ILRUN: variants seen among roughly 807,000 people sequenced by gnomAD.
ILRUN encodes the protein protein ILRUN.
A neutral mutation model predicts 33.8 loss-of-function variants in ILRUN; 3 were observed. That is an observed-to-expected ratio of 0.09 (90% CI 0.04 to 0.23). ILRUN has a LOEUF of 0.23. Among genes scored for constraint, ILRUN ranks in the 10% least tolerant of loss-of-function variants. ILRUN has a pLI of 1.00. For synonymous variants in ILRUN, 124 were observed against 138.9 expected (o/e 0.89, Z 0.75); for missense variants, 210 against 375.1 (o/e 0.56, Z 3.64).
chr6:34,689,003 G>C (rs538587155), intron 1 of ILRUN, among the ~76,000 whole-genome samples: 7 of 151,472 alleles, frequency 4.6e-5, no homozygotes, highest in Non-Finnish European at 8.8e-5. Context: ...CATACATAGA[G>C]ACAGAACTCA....
intron 3 of ILRUN, among the ~76,000 whole-genome samples, chr6:34,645,621 T>C (rs1159983047): frequency 4.6e-5 from 7 of 152,108 alleles, no homozygotes; most frequent in Admixed American, 3.9e-4. Flanking sequence ...ATTCTCCCAC[T>C]TCAGCCTCCC....
At chr6:34,650,600 T>G (rs1404244119) in intron 2 of ILRUN, among the ~76,000 whole-genome samples, 1 of 151,666 alleles carries the variant, frequency 6.6e-6, no homozygotes, top group Non-Finnish European at 1.5e-5. Flanking sequence ...CTGGCTAATT[T>G]TTTTGCAGTT....
At chr6:34,683,499 CATAT>C (rs769656862) in intron 1 of ILRUN, among the ~76,000 whole-genome samples, 120 of 84,356 alleles carry the variant, frequency 1.4e-3, no homozygotes, top group East Asian at 0.01. Flanking sequence ...TATATATATA[CATAT>C]ATATATATAT....
chr6:34,693,784 A>G (rs1005408361), intron 1 of ILRUN, among the ~76,000 whole-genome samples: 1 of 150,544 alleles, frequency 6.6e-6, no homozygotes, highest in Admixed American at 6.7e-5. Flanking sequence ...CTCCTGTCTC[A>G]GCCTCCCTCA....
chr6:34,627,416 T>C (rs531916035), intron 3 of ILRUN, among the ~76,000 whole-genome samples: 2 of 152,328 alleles, frequency 1.3e-5, no homozygotes, highest in South Asian at 4.1e-4. Flanking sequence ...TTTGGGTAAA[T>C]ACCAAGGAGC....
intron 3 of ILRUN, among the ~76,000 whole-genome samples, chr6:34,628,004 T>C (rs1377983625): frequency 6.6e-6 from 1 of 151,996 alleles, no homozygotes; most frequent in Non-Finnish European, 1.5e-5. Flanking sequence ...CCCCTGGGCC[T>C]GCATACACTT....
intron 1 of ILRUN, among the ~76,000 whole-genome samples, chr6:34,659,413 C>T (rs938185858): frequency 6.6e-6 from 1 of 152,062 alleles, no homozygotes. Flanking sequence ...CAGAGCCACA[C>T]CTATTCAAAA....
In ILRUN at chr6:34,588,655, GAA is replaced by G. The variant is rs1353687023; in HGVS notation, c.*1908_*1909del. On this transcript the variant is annotated 3_prime_UTR_variant, in exon 5 of 5. Transcript: ENST00000374023. ...GGAGTGGAGCACTCCCATGTGCACA[GAA>G]AATAGGTGCTCCAGAGTAAGCTCTA... 6.3e-6 allele frequency: 1 copy of G among 158,132 alleles called. No individual in the cohort carries two copies. Among genetic ancestry groups the G allele is most frequent in the Non-Finnish European group, 1.4e-5 (1 of 72,048 alleles). 9.8% of individuals were successfully genotyped at this position (158,132 alleles called of 1,614,324 possible).
At chr6:34,612,974 C>T (rs11752260) in intron 3 of ILRUN, among the ~76,000 whole-genome samples, 25,094 of 151,390 alleles carry the variant, frequency 0.17, 2,278 homozygotes, top group African/African-American at 0.23. Flanking sequence ...ACCCGGGAGG[C>T]GGAGCTTGCA....
intron 1 of ILRUN, among the ~76,000 whole-genome samples, chr6:34,688,944 A>G (rs998983936): frequency 6.8e-6 from 1 of 146,946 alleles, no homozygotes; most frequent in Admixed American, 6.8e-5. Flanking sequence ...CTGGGCAACA[A>G]AAGTGAAACT....
chr6:34,686,202 T>C (rs1389192630), intron 1 of ILRUN, among the ~76,000 whole-genome samples: 1 of 152,072 alleles, frequency 6.6e-6, no homozygotes, highest in Non-Finnish European at 1.5e-5. Flanking sequence ...ATCCAGAATA[T>C]ATAAAGACTT....
Position 34,637,294 on chromosome 6 carries a change from A to G in ILRUN, c.511+9307T>C, listed in dbSNP as rs1762383573. On this transcript the variant is annotated intron_variant, in intron 3 of 4. Transcript: ENST00000374023. ...ATTAAGATACAAATTATGCTGAAATATGTCATCTTTAAAACAGTCAATGGT... is the reference window on the plus strand; with the variant it reads ...ATTAAGATACAAATTATGCTGAAATGTGTCATCTTTAAAACAGTCAATGGT... Among the ~76,000 whole-genome samples the G allele has an allele frequency of 2.6e-5, 4 of 152,214 alleles. No homozygotes were observed. In the South Asian group the frequency reaches 8.3e-4, roughly 31 times the overall value.
At chr6:34,693,735 C>T (rs1040696167) in intron 1 of ILRUN, among the ~76,000 whole-genome samples, 1 of 150,806 alleles carries the variant, frequency 6.6e-6, no homozygotes, top group African/African-American at 2.4e-5. Flanking sequence ...GGCGCAATCT[C>T]GGCTCACTGC....
chr6:34,653,987 A>AAAG (rs1762722592), intron 2 of ILRUN, among the ~76,000 whole-genome samples: 1 of 151,692 alleles, frequency 6.6e-6, no homozygotes, highest in African/African-American at 2.4e-5. Flanking sequence ...AAAAAAAAAA[A>AAAG]AAGTGCTGGG....
At chr6:34,673,088 C>G (rs949938360) in intron 1 of ILRUN, among the ~76,000 whole-genome samples, 4 of 152,192 alleles carry the variant, frequency 2.6e-5, no homozygotes, top group African/African-American at 7.2e-5. Context: ...GAAAAATATT[C>G]TCAACCTTAA....
intron 3 of ILRUN, among the ~76,000 whole-genome samples, chr6:34,618,114 A>G (rs956892820): frequency 1.3e-5 from 2 of 152,214 alleles, no homozygotes; most frequent in African/African-American, 4.8e-5. Context: ...CCAGGAAATC[A>G]GTGCCATGGA....
chr6:34,656,842 C>T (rs1236532250), intron 1 of ILRUN, among the ~76,000 whole-genome samples: 2 of 152,162 alleles, frequency 1.3e-5, no homozygotes, highest in Non-Finnish European at 2.9e-5. Flanking sequence ...ATTACAATAC[C>T]AATGGCCTGC....
chr6:34,631,397 G>A (rs1023318428), intron 3 of ILRUN, among the ~76,000 whole-genome samples: 5 of 151,694 alleles, frequency 3.3e-5, no homozygotes, highest in East Asian at 3.9e-4. Flanking sequence ...GCGCGATCTC[G>A]GCTCACCGCA....
At chr6:34,672,395 C>T (rs1582097806) in intron 1 of ILRUN, among the ~76,000 whole-genome samples, 1 of 152,188 alleles carries the variant, frequency 6.6e-6, no homozygotes, top group East Asian at 1.9e-4. Flanking sequence ...AACCCAAATC[C>T]TCTTTTTGTG....
Sources: gnomAD v4.1 joint callset for allele counts (sites outside exome capture counted in the v4.1 genomes callset) on GRCh38, gnomAD v4.1.1 for gene constraint, MANE v1.5 for transcripts, NCBI Gene and HGNC (gene_info 2026-07-23, HGNC 2026-07-21) for gene names.